RASGEF1C: variants seen among roughly 807,000 people sequenced by gnomAD.
RASGEF1C encodes ras-GEF domain-containing family member 1C.
In RASGEF1C, 27 loss-of-function variants were observed where a neutral mutation model predicts 58.1. That is an observed-to-expected ratio of 0.46 (90% CI 0.34 to 0.64). RASGEF1C has a LOEUF of 0.64. RASGEF1C is among the 30% of genes least tolerant of loss of function. The pLI is 0.01. For missense variants in RASGEF1C, 502 were observed against 605.1 expected, an observed-to-expected ratio of 0.83 and a Z score of 1.79; for synonymous variants, 243 against 246.3, an observed-to-expected ratio of 0.99 and a Z score of 0.13.
At chr5:180,202,753 A>C (rs918885957) in intron 1 of RASGEF1C, among the ~76,000 whole-genome samples, 1 of 146,900 alleles carries the variant, frequency 6.8e-6, no homozygotes, top group Admixed American at 6.9e-5. Flanking sequence ...CCCAGGCTGG[A>C]GTGCAGTGGC....
intron 1 of RASGEF1C, among the ~76,000 whole-genome samples, chr5:180,166,589 C>T (rs1014006530): frequency 1.3e-5 from 2 of 151,248 alleles, no homozygotes; most frequent in Non-Finnish European, 2.9e-5. Flanking sequence ...GATCTCAGCT[C>T]ACTGCAACCT....
chr5:180,178,607 A>C (rs1295804548), intron 1 of RASGEF1C, among the ~76,000 whole-genome samples: 2 of 151,998 alleles, frequency 1.3e-5, no homozygotes, highest in African/African-American at 2.4e-5. Flanking sequence ...TTACAGAAGC[A>C]AATGCGTTTT....
intron 1 of RASGEF1C, among the ~76,000 whole-genome samples, chr5:180,164,942 T>A (rs1057472089): frequency 2.0e-5 from 3 of 152,236 alleles, no homozygotes; most frequent in African/African-American, 7.2e-5. Flanking sequence ...ATTCTGAAGC[T>A]CTGTTGTTAG....
Position 180,143,382 on chromosome 5 carries a change from G to T in RASGEF1C, c.-6-5324C>A, listed in dbSNP as rs560234103. Among the ~76,000 whole-genome samples the T allele has an allele frequency of 6.6e-6, 1 of 152,216 alleles. No homozygotes were observed. The highest frequency in any genetic ancestry group is 2.4e-5 in the African/African-American group (1 of 41,468). ...CAGGGACAGGGGCACCATGTGGTGCGTTTATAAGGAAGGCCAGCCCTGAAG... is the reference window on the plus strand; with the variant it reads ...CAGGGACAGGGGCACCATGTGGTGCTTTTATAAGGAAGGCCAGCCCTGAAG... On this transcript the variant is annotated intron_variant, in intron 1 of 13. Transcript: ENST00000361132. This position sits in a 1 kb window ranked among gnomAD's most constrained non-coding sequence, Gnocchi z 4.3.
chr5:180,206,751 T>A (rs971261645), intron 1 of RASGEF1C, among the ~76,000 whole-genome samples: 14 of 152,106 alleles, frequency 9.2e-5, no homozygotes, highest in African/African-American at 3.1e-4. Flanking sequence ...ACTATGTGAG[T>A]GTAAAAAAGA....
intron 1 of RASGEF1C, among the ~76,000 whole-genome samples, chr5:180,162,695 T>C (rs1460433565): frequency 6.6e-6 from 1 of 152,274 alleles, no homozygotes; most frequent in Admixed American, 6.5e-5. Context: ...TTGATGTTTT[T>C]AGCTATTCTA....
intron 6 of RASGEF1C, among the ~76,000 whole-genome samples, chr5:180,127,059 G>A (rs937244625): frequency 1.1e-4 from 17 of 152,300 alleles, no homozygotes; most frequent in African/African-American, 4.1e-4. Flanking sequence ...TTCTGGCTTG[G>A]ATTTAGCCCG....
chr5:180,182,019 C>A (rs893853924), intron 1 of RASGEF1C, among the ~76,000 whole-genome samples: 1 of 151,484 alleles, frequency 6.6e-6, no homozygotes, highest in African/African-American at 2.4e-5. Flanking sequence ...CTGGCTAACA[C>A]GGTGAAACCC....
intron 1 of RASGEF1C, among the ~76,000 whole-genome samples, chr5:180,189,627 G>T (rs762073374): frequency 3.1e-4 from 47 of 152,266 alleles, no homozygotes; most frequent in Non-Finnish European, 2.8e-4. Context: ...GGTTATTTCG[G>T]CCGTGCCTGG....
Position 180,197,317 on chromosome 5 carries a change from A to C in RASGEF1C, c.-7+11711T>G, listed in dbSNP as rs1469928384. 6.6e-6 allele frequency among the ~76,000 whole-genome samples: 1 copy of C among 152,192 alleles called. No homozygotes were observed. Among genetic ancestry groups the C allele is most frequent in the Non-Finnish European group, 1.5e-5 (1 of 68,034 alleles). On this transcript the variant is annotated intron_variant, in intron 1 of 13. Transcript: ENST00000361132. The surrounding 1 kb of genome is among the most constrained non-coding windows in gnomAD (Gnocchi z 4.7). ...GACGGCAGGGGGAAGCAATGGCGGGATCCAGGGTGCTGCTCAGGGCAGTGG... is the reference window on the plus strand; with the variant it reads ...GACGGCAGGGGGAAGCAATGGCGGGCTCCAGGGTGCTGCTCAGGGCAGTGG...
chr5:180,152,268 G>A (rs1296943409), intron 1 of RASGEF1C, among the ~76,000 whole-genome samples: 1 of 152,068 alleles, frequency 6.6e-6, no homozygotes, highest in Non-Finnish European at 1.5e-5. Context: ...ATACACATAT[G>A]TTTATTGCGG....
intron 4 of RASGEF1C, among the ~76,000 whole-genome samples, chr5:180,135,047 C>T (rs1416865104): frequency 1.4e-5 from 2 of 140,310 alleles, no homozygotes; most frequent in East Asian, 4.3e-4. Flanking sequence ...CTGTCCCCAC[C>T]CCCCCCGTCC....
chr5:180,151,246 C>G (rs1375632943), intron 1 of RASGEF1C, among the ~76,000 whole-genome samples: 2 of 152,082 alleles, frequency 1.3e-5, no homozygotes, highest in South Asian at 2.1e-4. Flanking sequence ...CAAAAAAGAC[C>G]CCCGCATTGC....
intron 6 of RASGEF1C, among the ~76,000 whole-genome samples, chr5:180,123,056 AT>A (rs1481109978): frequency 6.6e-6 from 1 of 152,250 alleles, no homozygotes; most frequent in African/African-American, 2.4e-5. Flanking sequence ...TCTGATAAAT[AT>A]TACGTAACTA....
In RASGEF1C at chr5:180,197,296, G is replaced by A. The variant is rs1464215612; in HGVS notation, c.-7+11732C>T. On this transcript the variant is annotated intron_variant, in intron 1 of 13. Transcript: ENST00000361132. The surrounding 1 kb of genome is among the most constrained non-coding windows in gnomAD (Gnocchi z 4.7). ...AGAGGGGAGCCCGAACCCTGGGACG[G>A]CAGGGGGAAGCAATGGCGGGATCCA... 1.3e-5 allele frequency among the ~76,000 whole-genome samples: 2 copies of A among 152,232 alleles called. No homozygotes were observed. The highest frequency in any genetic ancestry group is 6.5e-5 in the Admixed American group (1 of 15,288).
chr5:180,101,376 G>T lies in RASGEF1C; in HGVS notation c.*125C>A, dbSNP rs950679380. On this transcript the variant is annotated 3_prime_UTR_variant, in exon 14 of 14. Coordinates refer to ENST00000361132, the MANE Select transcript of RASGEF1C (RefSeq NM_175062.4). ...TGGGGGGGGGGGGGGCGGGCAGCAGGCCACAGGGTCGGCATTTGCAAAATA... is the reference window on the plus strand; with the variant it reads ...TGGGGGGGGGGGGGGCGGGCAGCAGTCCACAGGGTCGGCATTTGCAAAATA... The T allele has an allele frequency of 9.1e-7, 1 of 1,096,026 alleles. No individual in the cohort carries two copies. The highest frequency in any genetic ancestry group is 1.3e-6 in the Non-Finnish European group (1 of 755,178). 67.9% of individuals were successfully genotyped at this position (1,096,026 alleles called of 1,614,324 possible). A position where few individuals can be genotyped will look rare whatever the true frequency, so the allele number is the denominator to read the frequency against.
At chr5:180,193,363 C>T (rs1336989391) in intron 1 of RASGEF1C, among the ~76,000 whole-genome samples, 1 of 152,164 alleles carries the variant, frequency 6.6e-6, no homozygotes, top group African/African-American at 2.4e-5. Context: ...CCTAAAATAT[C>T]TTCTTAATGT....
chr5:180,120,926 G>A, intron 7 of RASGEF1C, 134 bp downstream of exon 7: 1 of 642,162 alleles, frequency 1.6e-6, no homozygotes, highest in Non-Finnish European at 2.8e-6. Context: ...TCCTGGAGGG[G>A]TGCCCAGCCT....
intron 1 of RASGEF1C, among the ~76,000 whole-genome samples, chr5:180,141,554 TG>T (rs1018121335): frequency 3.5e-4 from 53 of 152,154 alleles, no homozygotes; most frequent in African/African-American, 1.2e-3. Context: ...TGCCAGGGGC[TG>T]GGGGTGGGAC....
Sources: allele counts gnomAD v4.1 joint callset (sites outside exome capture counted in the v4.1 genomes callset), GRCh38; gene constraint gnomAD v4.1.1; non-coding constraint Gnocchi (gnomAD v3.1); transcripts MANE v1.5; gene names NCBI Gene and HGNC (gene_info 2026-07-23, HGNC 2026-07-21).